ASTN2: variants seen among roughly 807,000 people sequenced by gnomAD.
ASTN2 encodes astrotactin 2.
Under a neutral mutation model 139.8 loss-of-function variants are expected in ASTN2, and 54 were observed. The observed-to-expected ratio is 0.39, with a 90% confidence interval of 0.31 to 0.48. The LOEUF (loss-of-function observed/expected upper bound fraction) is 0.48, where lower values mean the gene tolerates loss of function less well. Ranked by LOEUF, ASTN2 falls within the 20% of genes least tolerant of loss-of-function variation. The pLI is 0.95. For synonymous variants in ASTN2, 756 were observed against 719.5 expected, an observed-to-expected ratio of 1.05 and a Z score of -0.81; for missense variants, 1,565 against 1,725.1, an observed-to-expected ratio of 0.91 and a Z score of 1.64.
intron 16 of ASTN2, among the ~76,000 whole-genome samples, chr9:116,668,924 C>A (rs1012891876): frequency 6.6e-6 from 1 of 152,052 alleles, no homozygotes. Context: ...GACTCAGGCA[C>A]CAGACCAGAT....
At chr9:116,936,644 C>T (rs1405256709) in intron 10 of ASTN2, among the ~76,000 whole-genome samples, 1 of 152,204 alleles carries the variant, frequency 6.6e-6, no homozygotes, top group Non-Finnish European at 1.5e-5. Flanking sequence ...AGACATTTCT[C>T]TCTTCCAGGA....
At chr9:117,294,677 C>T (rs1294749688) in intron 1 of ASTN2, among the ~76,000 whole-genome samples, 1 of 152,170 alleles carries the variant, frequency 6.6e-6, no homozygotes, top group East Asian at 1.9e-4. Flanking sequence ...TGTTACTGTC[C>T]ATACACATAC....
intron 3 of ASTN2, among the ~76,000 whole-genome samples, chr9:117,157,154 C>T (rs1830450333): frequency 6.6e-6 from 1 of 151,868 alleles, no homozygotes; most frequent in Admixed American, 6.6e-5. Context: ...TTAATGATGC[C>T]CAAGAAAGGA....
At chr9:116,595,487 T>C (rs1205278555) in intron 19 of ASTN2, among the ~76,000 whole-genome samples, 3 of 152,074 alleles carry the variant, frequency 2.0e-5, no homozygotes, top group East Asian at 3.9e-4. Flanking sequence ...CCACCATGCC[T>C]GGCTAATTTT....
intron 5 of ASTN2, among the ~76,000 whole-genome samples, chr9:117,081,499 C>G (rs893440691): frequency 2.6e-5 from 4 of 152,158 alleles, no homozygotes. Flanking sequence ...TCTGTATACT[C>G]CCCTTAATGT....
Position 116,651,450 on chromosome 9 carries a change from CT to C in ASTN2, c.3072+77del. The C allele has an allele frequency of 2.0e-6, 3 of 1,512,792 alleles. No homozygotes were observed. The South Asian group carries it at 3.7e-5, about 19-fold the overall frequency. The allele number at this position is 1,512,792 out of a possible 1,614,324, so 93.7% of individuals were successfully genotyped here. A position where few individuals can be genotyped will look rare whatever the true frequency, so the allele number is the denominator to read the frequency against. ...GATGATGATCATGATGACAATACCC[CT>C]GGACAAAGGGTCCACAAGGGTAGGA... On this transcript the variant is annotated intron_variant, in intron 17 of 22. Coordinates refer to ENST00000313400, the MANE Select transcript of ASTN2 (RefSeq NM_001365068.1).
intron 3 of ASTN2, among the ~76,000 whole-genome samples, chr9:117,142,497 T>C (rs1484699132): frequency 1.3e-5 from 2 of 152,168 alleles, no homozygotes; most frequent in Non-Finnish European, 2.9e-5. Flanking sequence ...AAACACAATA[T>C]ATGTCTTACT....
chr9:117,143,086 T>C (rs1044132801), intron 3 of ASTN2, among the ~76,000 whole-genome samples: 22 of 152,240 alleles, frequency 1.4e-4, no homozygotes, highest in Non-Finnish European at 3.1e-4. Flanking sequence ...AAGTCAGACC[T>C]AGAGGGCTTG....
chr9:117,223,288 A>G (rs941630227), intron 2 of ASTN2, among the ~76,000 whole-genome samples: 4 of 152,262 alleles, frequency 2.6e-5, no homozygotes, highest in East Asian at 1.9e-4. Context: ...GGTTGTCACA[A>G]CTTAGGGGAG....
At chr9:116,517,854 C>A (rs1373228504) in intron 19 of ASTN2, among the ~76,000 whole-genome samples, 1 of 152,058 alleles carries the variant, frequency 6.6e-6, no homozygotes, top group Non-Finnish European at 1.5e-5. Context: ...TTAGAGAGAG[C>A]AAAATGCACT....
In ASTN2 at chr9:117,147,426, ACT is replaced by A. The variant is rs1830222133; in HGVS notation, c.1016-5950_1016-5949del. 3.9e-5 allele frequency among the ~76,000 whole-genome samples: 5 copies of A among 127,298 alleles called. No homozygotes were observed. The South Asian group carries it at 1.5e-3, about 39-fold the overall frequency. 83.5% of individuals were successfully genotyped at this position (127,298 alleles called of 152,430 possible). ...ACTCCAGTCTGGGTGAAAGAGTGAGACTCTGACTCAAAACACACACACACACA... is the reference window on the plus strand; with the variant it reads ...ACTCCAGTCTGGGTGAAAGAGTGAGACTGACTCAAAACACACACACACACA... On this transcript the variant is annotated intron_variant, in intron 3 of 22. Transcript: ENST00000313400.
intron 13 of ASTN2, among the ~76,000 whole-genome samples, chr9:116,762,803 A>G (rs1829706730): frequency 6.6e-6 from 1 of 152,234 alleles, no homozygotes; most frequent in Non-Finnish European, 1.5e-5. Flanking sequence ...TACTTGCAAC[A>G]AAGATCAGGT....
At chr9:117,248,327 G>A (rs1833442568) in intron 2 of ASTN2, among the ~76,000 whole-genome samples, 1 of 152,234 alleles carries the variant, frequency 6.6e-6, no homozygotes, top group South Asian at 2.1e-4. Flanking sequence ...TGAGTCAACA[G>A]TAGCTACTTG....
intron 1 of ASTN2, among the ~76,000 whole-genome samples, chr9:117,316,110 G>T (rs1313979831): frequency 6.6e-6 from 1 of 152,170 alleles, no homozygotes; most frequent in South Asian, 2.1e-4. Flanking sequence ...AAATTGCATG[G>T]CTTAGACTCA....
intron 10 of ASTN2, among the ~76,000 whole-genome samples, chr9:116,933,566 G>C (rs926150808): frequency 1.3e-5 from 2 of 152,008 alleles, no homozygotes; most frequent in Non-Finnish European, 2.9e-5. Flanking sequence ...AAAAGATGGA[G>C]AGGAAAACAG....
chr9:116,525,872 ACT>A (rs1197888743), intron 19 of ASTN2, among the ~76,000 whole-genome samples: 1 of 151,970 alleles, frequency 6.6e-6, no homozygotes, highest in African/African-American at 2.4e-5. Context: ...TTCCAGACCC[ACT>A]CTCTCCACAA....
chr9:116,768,083 A>G (rs1268647423), intron 13 of ASTN2, among the ~76,000 whole-genome samples: 1 of 152,234 alleles, frequency 6.6e-6, no homozygotes, highest in Admixed American at 6.5e-5. Flanking sequence ...CTAGTAGGGA[A>G]GTCATACAAG....
intron 1 of ASTN2, among the ~76,000 whole-genome samples, chr9:117,404,562 A>G (rs1198226299): frequency 6.6e-6 from 1 of 152,204 alleles, no homozygotes; most frequent in Non-Finnish European, 1.5e-5. Context: ...ATGTGTGTGT[A>G]TGTATGTATA....
intron 16 of ASTN2, among the ~76,000 whole-genome samples, chr9:116,723,654 C>A (rs112311834): frequency 6.6e-6 from 1 of 152,186 alleles, no homozygotes; most frequent in Non-Finnish European, 1.5e-5. Flanking sequence ...AGATGCATAT[C>A]CCCAGCTTCT....
Sources: allele counts gnomAD v4.1 joint callset (sites outside exome capture counted in the v4.1 genomes callset), GRCh38; gene constraint gnomAD v4.1.1; transcripts MANE v1.5; gene names NCBI Gene and HGNC (gene_info 2026-07-23, HGNC 2026-07-21).